CPNE3: variants seen among roughly 807,000 people sequenced by gnomAD.
CPNE3 encodes the protein copine 3.
In CPNE3, 68 loss-of-function variants were observed where a neutral mutation model predicts 63.9. The observed-to-expected ratio is 1.06, with a 90% confidence interval of 0.87 to 1.30. The LOEUF is 1.30. Among genes scored for constraint, CPNE3 ranks in the 50% most tolerant of loss-of-function variants. The probability of loss-of-function intolerance (pLI) is 0.00; values close to 1 mark genes in which losing one functional copy is unlikely to be tolerated. For missense variants in CPNE3, 665 were observed against 578.1 expected (o/e 1.15, Z -1.54); for synonymous variants, 219 against 197.5 (o/e 1.11, Z -0.91).
intron 12 of CPNE3, 93 bp downstream of exon 12, chr8:86,548,527 G>A (rs1366678184): frequency 6.8e-7 from 1 of 1,471,996 alleles, no homozygotes; most frequent in African/African-American, 1.4e-5. Flanking sequence ...GATATAGGTG[G>A]TAGGTTGATG....
intron 2 of CPNE3, among the ~76,000 whole-genome samples, chr8:86,517,792 G>C (rs1240587664): frequency 1.3e-5 from 2 of 152,156 alleles, no homozygotes; most frequent in African/African-American, 4.8e-5. Context: ...ATGGTGGCCT[G>C]CTTTGTTTAT....
At chr8:86,521,816 C>G (rs1387883825) in intron 2 of CPNE3, 1 of 152,106 alleles carries the variant, frequency 6.6e-6, no homozygotes, top group East Asian at 1.9e-4. Context: ...TCAACATATT[C>G]TGGGTCAATC....
chr8:86,531,423 A>G (rs915194019), intron 5 of CPNE3, among the ~76,000 whole-genome samples, 194 bp downstream of exon 5: 2 of 152,188 alleles, frequency 1.3e-5, no homozygotes, highest in African/African-American at 2.4e-5. Flanking sequence ...CATGCAGTGT[A>G]GTAATCCCTT....
At chr8:86,524,441 T>G (rs1820497089) in intron 2 of CPNE3, among the ~76,000 whole-genome samples, 1 of 152,204 alleles carries the variant, frequency 6.6e-6, no homozygotes, top group East Asian at 1.9e-4. Flanking sequence ...TAGGGATTAT[T>G]TGCATTTCAG....
chr8:86,554,768 T>C (rs1821276516), intron 14 of CPNE3, 83 bp from the exon 15 acceptor site: 2 of 1,514,970 alleles, frequency 1.3e-6, no homozygotes, highest in Non-Finnish European at 1.8e-6. Context: ...TTGATACATA[T>C]AATCAAATTA....
At position 86,554,969 on chromosome 8, in the gene CPNE3, ACAG is replaced by A. The variant is rs775478232; in HGVS notation, c.1243_1245del (p.Gln415del). ...CCAGGTTTGCTGCTGCAGCCACGCA[ACAG>A]CAGACAGCTTCTGTAAGTGCTCTAT... On this transcript the variant is annotated inframe_deletion, in exon 15 of 17. Transcript: ENST00000517490. 17 of 1,613,974 alleles carry A rather than the reference ACAG, an allele frequency of 1.1e-5. No homozygotes were observed. Among genetic ancestry groups the A allele is most frequent in the South Asian group, 2.2e-5 (2 of 91,082 alleles).
chr8:86,526,893 G>A (rs1820553295), intron 2 of CPNE3, among the ~76,000 whole-genome samples: 1 of 152,110 alleles, frequency 6.6e-6, no homozygotes, highest in African/African-American at 2.4e-5. Context: ...ATTTATTTAG[G>A]AATCTTAGTA....
chr8:86,547,592 T>A, intron 10 of CPNE3, 119 bp from the exon 11 acceptor site: 1 of 643,244 alleles, frequency 1.6e-6, no homozygotes, highest in Non-Finnish European at 2.8e-6. Flanking sequence ...CAGGGGTAAT[T>A]TCCATGTTTA....
chr8:86,547,605 T>A (rs1821081471), intron 10 of CPNE3, 106 bp from the exon 11 acceptor site: 2 of 683,534 alleles, frequency 2.9e-6, no homozygotes, highest in East Asian at 5.5e-5. Flanking sequence ...CATGTTTATA[T>A]CATGTCCTGT....
intron 2 of CPNE3, among the ~76,000 whole-genome samples, chr8:86,522,614 A>G (rs929869625): frequency 7.0e-6 from 1 of 143,194 alleles, no homozygotes; most frequent in African/African-American, 2.7e-5. Flanking sequence ...GAGCAACACA[A>G]TTTGAGAAAC....
intron 7 of CPNE3, among the ~76,000 whole-genome samples, chr8:86,539,355 C>A (rs561596879): frequency 2.0e-5 from 3 of 152,304 alleles, no homozygotes; most frequent in African/African-American, 4.8e-5. Context: ...AAGCCCTATT[C>A]CTGCAAGAGG....
chr8:86,551,267 T>C (rs779709942), intron 14 of CPNE3, 33 bp downstream of exon 14: 1 of 1,394,286 alleles, frequency 7.2e-7, no homozygotes, highest in Non-Finnish European at 1.0e-6. Context: ...AGACTTCAAA[T>C]GGAAAGGCTC....
rs534099618 is a variant in CPNE3 at position 86,540,279 on chromosome 8, C to T, written c.578C>T (p.Pro193Leu). The change falls in exon 8 of 17, where the codon CCT becomes CTT. Residue 193 changes from proline (P) to leucine (L), a missense_variant. Pro to Leu is a moderately conservative substitution (Grantham distance 98). Coordinates refer to ENST00000517490, the MANE Select transcript of CPNE3 (RefSeq NM_003909.5). Reference protein sequence around the residue: ...VKNNLNPVWRPFKISLNSLCY... With the variant: ...VKNNLNPVWRLFKISLNSLCY... Reference sequence around the variant, plus strand: ...AACAACTTGAATCCTGTTTGGAGGCCTTTCAAGATCTCTCTTAACTCACTG... The same window carrying T: ...AACAACTTGAATCCTGTTTGGAGGCTTTTCAAGATCTCTCTTAACTCACTG... 44 of 1,609,056 alleles carry T rather than the reference C, an allele frequency of 2.7e-5. No homozygotes were observed. The highest frequency in any genetic ancestry group is 3.7e-5 in the Non-Finnish European group (43 of 1,177,780).
At chr8:86,517,080 T>C (rs72690438) in intron 2 of CPNE3, among the ~76,000 whole-genome samples, 8,258 of 152,288 alleles carry the variant, frequency 0.054, 314 homozygotes, top group Non-Finnish European at 0.087. Context: ...TCTAGCTTCC[T>C]TCCCACCAAT....
At chr8:86,532,617 G>C in intron 6 of CPNE3, 37 bp downstream of exon 6, 1 of 1,546,180 alleles carries the variant, frequency 6.5e-7, no homozygotes. Context: ...AGGTTGTCAT[G>C]TTTTGCCTCT....
intron 6 of CPNE3, 46 bp downstream of exon 6, chr8:86,532,626 C>T (rs748172197): frequency 1.2e-5 from 18 of 1,510,996 alleles, no homozygotes; most frequent in Non-Finnish European, 1.6e-5. Flanking sequence ...TGTTTTGCCT[C>T]TTTTTTAAGA....
At chr8:86,530,508 T>A (rs1820651641) in intron 4 of CPNE3, among the ~76,000 whole-genome samples, 1 of 152,044 alleles carries the variant, frequency 6.6e-6, no homozygotes. Flanking sequence ...GCCCATCTTT[T>A]ACCTAGAAGG....
At position 86,554,741 on chromosome 8, in the gene CPNE3, A is replaced by G. The variant is rs1292166892; in HGVS notation, c.1121-110A>G. On this transcript the variant is annotated intron_variant, in intron 14 of 16. Coordinates refer to ENST00000517490, the MANE Select transcript of CPNE3 (RefSeq NM_003909.5). ...ACTACTGCTTATAGAACTTTTGACT[A>G]TTTAAAGCACTATATGTTGATACAT... 5 of 1,319,244 alleles carry G rather than the reference A, an allele frequency of 3.8e-6. No individual in the cohort carries two copies. In the African/African-American group the frequency reaches 5.9e-5, roughly 16 times the overall value. The allele number at this position is 1,319,244 out of a possible 1,614,324, so 81.7% of individuals were successfully genotyped here.
At chr8:86,550,969 G>A (rs1821160175) in intron 12 of CPNE3, 77 bp from the exon 13 acceptor site, 1 of 1,389,792 alleles carries the variant, frequency 7.2e-7, no homozygotes, top group Non-Finnish European at 9.6e-7. Flanking sequence ...GAGCTCATAT[G>A]GATTTTATTG....
Sources: allele counts gnomAD v4.1 joint callset (sites outside exome capture counted in the v4.1 genomes callset), GRCh38; gene constraint gnomAD v4.1.1; transcripts MANE v1.5; gene names NCBI Gene and HGNC (gene_info 2026-07-23, HGNC 2026-07-21).